TAF4: variants seen among roughly 807,000 people sequenced by gnomAD.
TAF4 encodes the protein TATA-box binding protein associated factor 4.
A neutral mutation model predicts 90.3 loss-of-function variants in TAF4; 9 were observed. The ratio of observed to expected loss-of-function variants is 0.10; its 90% confidence interval spans 0.06 to 0.17. The LOEUF is 0.17. TAF4 is among the 10% of genes least tolerant of loss of function. The probability of loss-of-function intolerance (pLI) is 1.00; values close to 1 mark genes in which losing one functional copy is unlikely to be tolerated. For missense variants in TAF4, 1,351 were observed against 1,370.7 expected, an observed-to-expected ratio of 0.99 and a Z score of 0.23; for synonymous variants, 818 against 638.9, an observed-to-expected ratio of 1.28 and a Z score of -4.23.
intron 1 of TAF4, among the ~76,000 whole-genome samples, chr20:62,024,587 GGTTGGGC>G (rs1379746718): frequency 3.3e-5 from 5 of 152,170 alleles, no homozygotes; most frequent in African/African-American, 1.2e-4. Flanking sequence ...AAATAACCCA[GGTTGGGC>G]GTGGTGGCTC....
At chr20:62,024,343 T>C (rs777840540) in intron 1 of TAF4, among the ~76,000 whole-genome samples, 5 of 152,178 alleles carry the variant, frequency 3.3e-5, no homozygotes, top group Non-Finnish European at 7.3e-5. Context: ...CAGGAGAACA[T>C]TTCTCTGACC....
Position 61,975,322 on chromosome 20 carries a change from T to G in TAF4, c.*846A>C, listed in dbSNP as rs372019258. 3.0e-4 allele frequency: 46 copies of G among 152,564 alleles called. No individual in the cohort carries two copies. Among genetic ancestry groups the G allele is most frequent in the African/African-American group, 8.7e-4 (36 of 41,550 alleles). 9.5% of individuals were successfully genotyped at this position (152,564 alleles called of 1,614,324 possible). On this transcript the variant is annotated 3_prime_UTR_variant, in exon 15 of 15. Transcript: ENST00000252996. Reference sequence around the variant, plus strand: ...TACTGACAAAATACACCAACCATTTTTCAACACTTGATTCACACCGAGAAA... The same window carrying G: ...TACTGACAAAATACACCAACCATTTGTCAACACTTGATTCACACCGAGAAA...
rs1253486084 is a variant in TAF4 at position 62,031,240 on chromosome 20, G to C, written c.1361-16533C>G. On this transcript the variant is annotated intron_variant, in intron 1 of 14. Coordinates refer to ENST00000252996, the MANE Select transcript of TAF4 (RefSeq NM_003185.4). ...AGCCTGGGTCCAAGGTCGGAACGTG[G>C]CCAGGCTGCTCCAGGCTGGGCGTCC... 2.0e-5 allele frequency among the ~76,000 whole-genome samples: 3 copies of C among 152,268 alleles called. No individual in the cohort carries two copies. The East Asian group carries it at 5.8e-4, about 29-fold the overall frequency.
intron 5 of TAF4, 120 bp from the exon 6 acceptor site, chr20:62,007,756 A>G (rs1226829253): frequency 2.1e-6 from 2 of 941,954 alleles, no homozygotes; most frequent in East Asian, 5.3e-5. Context: ...CACTGGACAG[A>G]GGAGATGGGA....
At chr20:62,050,691 C>A (rs1389182477) in intron 1 of TAF4, among the ~76,000 whole-genome samples, 2 of 152,214 alleles carry the variant, frequency 1.3e-5, no homozygotes, top group East Asian at 1.9e-4. Context: ...GGAGGGCACA[C>A]CCCTGCTGCT....
At chr20:61,994,839 G>A (rs1193020589) in intron 14 of TAF4, among the ~76,000 whole-genome samples, 2 of 152,168 alleles carry the variant, frequency 1.3e-5, no homozygotes, top group African/African-American at 2.4e-5. Flanking sequence ...GTCAGGGGTC[G>A]GGCAGAGTAG....
intron 1 of TAF4, among the ~76,000 whole-genome samples, chr20:62,041,713 C>T (rs1306167545): frequency 6.6e-6 from 1 of 151,886 alleles, no homozygotes; most frequent in African/African-American, 2.4e-5. Context: ...GGAAGACTGC[C>T]TCAGGCCAGG....
At chr20:61,993,647 G>A (rs1004224464) in intron 14 of TAF4, among the ~76,000 whole-genome samples, 2 of 152,182 alleles carry the variant, frequency 1.3e-5, no homozygotes, top group Non-Finnish European at 2.9e-5. Context: ...ATAAAGTCAG[G>A]GCAGCAGTTA....
intron 1 of TAF4, among the ~76,000 whole-genome samples, chr20:62,048,830 A>C (rs2056009654): frequency 1.0e-5 from 1 of 95,956 alleles, no homozygotes. Context: ...CAAGCTCCGT[A>C]CACCCCCACC....
chr20:62,023,670 G>A, intron 1 of TAF4, among the ~76,000 whole-genome samples: 1 of 144,308 alleles, frequency 6.9e-6, no homozygotes. Flanking sequence ...ATCGCTTGAA[G>A]CCGGGAGGTG....
chr20:62,021,886 G>A (rs968271981), intron 1 of TAF4, among the ~76,000 whole-genome samples: 8 of 152,148 alleles, frequency 5.3e-5, no homozygotes, highest in African/African-American at 1.9e-4. Flanking sequence ...CGGCGACAGA[G>A]AGGCACTGTG....
rs1394241037 is a variant in TAF4, at chr20:62,065,852, G to A, written c.-42C>T. The A allele has an allele frequency of 7.4e-6, 9 of 1,213,390 alleles. No individual in the cohort carries two copies. The highest frequency in any genetic ancestry group is 1.0e-6 in the Non-Finnish European group (1 of 952,908). 75.2% of individuals were successfully genotyped at this position (1,213,390 alleles called of 1,614,324 possible). On this transcript the variant is annotated 5_prime_UTR_variant, in exon 1 of 15. Transcript: ENST00000252996. ...CCGCCGCCGCCGCCGCTCGGGCCGA[G>A]CGCGCCTGGGCGAGGAGGAGGTTCC... is the stretch of plus-strand genomic sequence containing the variant.
rs528296197 is a variant in TAF4, at chr20:61,999,181, C to A, written c.2788-73G>T. The A allele has an allele frequency of 1.5e-5, 23 of 1,566,730 alleles. 1 individual carries two copies. The African/African-American group carries it at 2.7e-4, about 18-fold the overall frequency. ...CAAGCAAAGGGGTTGTCTAGCACCA[C>A]TGGACCATCCGTGCACAACGCCCTC... On this transcript the variant is annotated intron_variant, in intron 11 of 14. Coordinates refer to ENST00000252996, the MANE Select transcript of TAF4 (RefSeq NM_003185.4).
intron 10 of TAF4, 121 bp from the exon 11 acceptor site, chr20:62,000,375 G>C: frequency 6.9e-7 from 1 of 1,453,428 alleles, no homozygotes; most frequent in East Asian, 2.3e-5. Flanking sequence ...CAGAAAGGCT[G>C]GTGGGGTGGA....
At chr20:62,036,489 C>G (rs1699269384) in intron 1 of TAF4, among the ~76,000 whole-genome samples, 1 of 152,202 alleles carries the variant, frequency 6.6e-6, no homozygotes, top group Non-Finnish European at 1.5e-5. Flanking sequence ...ATTACTCATG[C>G]AGTACTGCAA....
intron 1 of TAF4, among the ~76,000 whole-genome samples, chr20:62,017,435 G>C (rs1568933258): frequency 6.6e-6 from 1 of 151,180 alleles, no homozygotes; most frequent in Non-Finnish European, 1.5e-5. Context: ...TCAGGAGATA[G>C]AGACCATCCT....
intron 7 of TAF4, 140 bp from the exon 8 acceptor site, chr20:62,004,018 G>A: frequency 1.8e-6 from 2 of 1,097,802 alleles, no homozygotes; most frequent in Non-Finnish European, 2.5e-6. Flanking sequence ...CCCGTGTGCA[G>A]CTCAGCCCCA....
chr20:62,004,268 C>T, intron 7 of TAF4, among the ~76,000 whole-genome samples: 1 of 151,932 alleles, frequency 6.6e-6, no homozygotes, highest in East Asian at 1.9e-4. Context: ...GACATTGTTG[C>T]CTGGTGGCTA....
Position 62,006,163 on chromosome 20 carries a change from G to A in TAF4, c.2223+347C>T, listed in dbSNP as rs143019010. ...TCCCACGCAGGTGCCCGTGTCTTAC[G>A]CTTGGACCGCTGCTCCTAATCCAAG... On this transcript the variant is annotated intron_variant, in intron 7 of 14. Transcript: ENST00000252996. The surrounding 1 kb of genome is among the most constrained non-coding windows in gnomAD (Gnocchi z 7.0). 5 of 184,854 alleles carry A rather than the reference G, an allele frequency of 2.7e-5. No individual in the cohort carries two copies. Among genetic ancestry groups the A allele is most frequent in the Non-Finnish European group, 5.5e-5 (5 of 90,282 alleles). The allele number at this position is 184,854 out of a possible 1,614,324, so 11.5% of individuals were successfully genotyped here.
Sources: gnomAD v4.1 joint callset for allele counts (sites outside exome capture counted in the v4.1 genomes callset) on GRCh38, gnomAD v4.1.1 for gene constraint, Gnocchi (gnomAD v3.1) non-coding constraint, MANE v1.5 for transcripts, NCBI Gene and HGNC (gene_info 2026-07-23, HGNC 2026-07-21) for gene names.